Variants in RAB33B observed in about 807,000 individuals in gnomAD.
RAB33B encodes RAB33B, member RAS oncogene family.
A neutral mutation model predicts 15.0 loss-of-function variants in RAB33B; 6 were observed. That is an observed-to-expected ratio of 0.40 (90% CI 0.22 to 0.79). The LOEUF is 0.79. Among genes scored for constraint, RAB33B ranks in the 30% least tolerant of loss-of-function variants. The pLI is 0.37. For synonymous variants in RAB33B, 117 were observed against 108.3 expected, an observed-to-expected ratio of 1.08 and a Z score of -0.50; for missense variants, 257 against 296.4, an observed-to-expected ratio of 0.87 and a Z score of 0.98.
the RAB33B span, among the ~76,000 whole-genome samples, chr4:139,443,538 G>C: frequency 1.3e-5 from 2 of 152,220 alleles, no homozygotes; most frequent in Non-Finnish European, 2.9e-5. Context: ...TCCTAAGTGA[G>C]AGTCTTATCT....
At chr4:139,451,101 C>T (rs1259789104), upstream of RAB33B, 2 of 152,034 alleles carry the variant, frequency 1.3e-5, no homozygotes, top group Non-Finnish European at 2.9e-5. Context: ...GGGGTTTCGC[C>T]ACGTTGGCCA....
At chr4:139,459,411 G>A (rs1750127338) in intron 1 of RAB33B, among the ~76,000 whole-genome samples, 2 of 152,072 alleles carry the variant, frequency 1.3e-5, no homozygotes, top group Admixed American at 6.6e-5. Flanking sequence ...TCTCCAGCCT[G>A]GGCAAGAGAA....
upstream of RAB33B, chr4:139,449,234 G>A (rs1749880191): frequency 6.6e-6 from 1 of 152,196 alleles, no homozygotes; most frequent in Admixed American, 6.5e-5. Context: ...AATAGCATTT[G>A]GGTTGGGGAC....
intron 1 of RAB33B, among the ~76,000 whole-genome samples, chr4:139,470,320 T>C (rs903937090): frequency 6.6e-6 from 1 of 152,166 alleles, no homozygotes; most frequent in African/African-American, 2.4e-5. Context: ...AGCTTCCCAC[T>C]TGTAGCCATT....
chr4:139,439,073 C>T, the RAB33B span, among the ~76,000 whole-genome samples: 6 of 152,028 alleles, frequency 3.9e-5, no homozygotes, highest in Non-Finnish European at 5.9e-5. Flanking sequence ...GGGGCAGTGG[C>T]GCAATCTTAG....
chr4:139,461,473 A>G (rs2111075372), intron 1 of RAB33B, among the ~76,000 whole-genome samples: 1 of 152,280 alleles, frequency 6.6e-6, no homozygotes, highest in South Asian at 2.1e-4. Flanking sequence ...TAATTATTAC[A>G]TAGGGTTGCA....
intron 1 of RAB33B, among the ~76,000 whole-genome samples, chr4:139,458,993 TTC>T (rs1750119382): frequency 6.6e-6 from 1 of 152,208 alleles, no homozygotes; most frequent in Non-Finnish European, 1.5e-5. Flanking sequence ...TGATTTACAT[TTC>T]TCTCATGATT....
At position 139,464,392 on chromosome 4, in the gene RAB33B, T is replaced by G. The variant is rs1293060636; in HGVS notation, c.250-8294T>G. On this transcript the variant is annotated intron_variant, in intron 1 of 1. Transcript: ENST00000305626. ...TGATGGGAAGAGGAATACTGTTTTT[T>G]TTTTTTTTTTTTTTTTTTTTATACT... 2.7e-5 allele frequency among the ~76,000 whole-genome samples: 4 copies of G among 145,664 alleles called. No homozygotes were observed. The Middle Eastern group carries it at 0.014, about 513-fold the overall frequency.
At chr4:139,446,098 C>A in the RAB33B span, among the ~76,000 whole-genome samples, 6 of 152,142 alleles carry the variant, frequency 3.9e-5, no homozygotes, top group Non-Finnish European at 8.8e-5. Flanking sequence ...GTGGTATATA[C>A]GTGATCAGGC....
chr4:139,470,002 G>A (rs2111084818), intron 1 of RAB33B, among the ~76,000 whole-genome samples: 1 of 152,232 alleles, frequency 6.6e-6, no homozygotes, highest in Non-Finnish European at 1.5e-5. Flanking sequence ...TAGACCTGAA[G>A]CCAGCAAAGC....
At chr4:139,439,478 G>A in the RAB33B span, among the ~76,000 whole-genome samples, 8 of 152,320 alleles carry the variant, frequency 5.3e-5, no homozygotes, top group African/African-American at 1.7e-4. Context: ...TCTTCTGATA[G>A]TTTGATTATA....
chr4:139,440,465 C>T, the RAB33B span, among the ~76,000 whole-genome samples: 1 of 152,134 alleles, frequency 6.6e-6, no homozygotes, highest in Non-Finnish European at 1.5e-5. Context: ...GAGCACAGAT[C>T]TAACGTTTTG....
At chr4:139,448,112 G>C in the RAB33B span, among the ~76,000 whole-genome samples, 1 of 152,166 alleles carries the variant, frequency 6.6e-6, no homozygotes, top group Non-Finnish European at 1.5e-5. Flanking sequence ...GATCTATTAA[G>C]GTGTCTCTTA....
chr4:139,455,857 A>G (rs1453507849), intron 1 of RAB33B, among the ~76,000 whole-genome samples: 3 of 152,202 alleles, frequency 2.0e-5, no homozygotes, highest in Non-Finnish European at 2.9e-5. Context: ...ACCTGGATTC[A>G]TATCTGAACC....
the RAB33B span, among the ~76,000 whole-genome samples, chr4:139,447,741 A>ACTG: frequency 5.1e-4 from 67 of 131,832 alleles, no homozygotes; most frequent in African/African-American, 1.8e-3. Flanking sequence ...ATCTCGGCTC[A>ACTG]CTGCAAGCTC....
the RAB33B span, among the ~76,000 whole-genome samples, chr4:139,447,660 T>A: frequency 2.7e-5 from 3 of 109,732 alleles, no homozygotes; most frequent in East Asian, 2.3e-4. Flanking sequence ...GTCTACTACT[T>A]TTTTTTTTTT....
At chr4:139,439,952 T>C in the RAB33B span, among the ~76,000 whole-genome samples, 2 of 152,184 alleles carry the variant, frequency 1.3e-5, no homozygotes, top group Admixed American at 6.5e-5. Context: ...TTCCTTTTGT[T>C]TTTTGAGTCT....
intron 1 of RAB33B, among the ~76,000 whole-genome samples, chr4:139,456,359 AG>A (rs1324351781): frequency 6.6e-6 from 1 of 152,182 alleles, no homozygotes; most frequent in Non-Finnish European, 1.5e-5. Flanking sequence ...TTGGGATTTG[AG>A]GGCCCTTTAT....
At chr4:139,442,640 T>C in the RAB33B span, among the ~76,000 whole-genome samples, 1 of 152,222 alleles carries the variant, frequency 6.6e-6, no homozygotes, top group East Asian at 1.9e-4. Context: ...CTTTCTCCTA[T>C]GCTGGATGCT....
Sources: gnomAD v4.1 joint callset for allele counts (sites outside exome capture counted in the v4.1 genomes callset) on GRCh38, gnomAD v4.1.1 for gene constraint, MANE v1.5 for transcripts, NCBI Gene and HGNC (gene_info 2026-07-23, HGNC 2026-07-21) for gene names.